Variants in MARCHF10 observed in about 807,000 individuals in gnomAD.
MARCHF10 encodes probable E3 ubiquitin-protein ligase MARCHF10.
Under a neutral mutation model 76.2 loss-of-function variants are expected in MARCHF10, and 64 were observed. The ratio of observed to expected loss-of-function variants is 0.84; its 90% CI spans 0.69 to 1.03. MARCHF10 has a LOEUF of 1.03. Among genes scored for constraint, MARCHF10 ranks in the 50% least tolerant of loss-of-function variants. MARCHF10 has a pLI of 0.00. For missense variants in MARCHF10, 875 were observed against 958.0 expected (o/e 0.91, Z 1.14); for synonymous variants, 340 against 357.5 (o/e 0.95, Z 0.55).
chr17:62,787,538 T>C (rs920851609), intron 3 of MARCHF10, among the ~76,000 whole-genome samples: 3 of 152,168 alleles, frequency 2.0e-5, no homozygotes, highest in Non-Finnish European at 2.9e-5. Context: ...GCTTGTGGTA[T>C]TGAGCTCTTA....
chr17:62,709,033 T>A (rs1304466969), intron 9 of MARCHF10, among the ~76,000 whole-genome samples: 1 of 152,208 alleles, frequency 6.6e-6, no homozygotes, highest in Non-Finnish European at 1.5e-5. Context: ...TTTATAAATA[T>A]GTGTCTCCTC....
chr17:62,784,603 A>G (rs2092715876), intron 3 of MARCHF10, among the ~76,000 whole-genome samples: 1 of 152,228 alleles, frequency 6.6e-6, no homozygotes, highest in Admixed American at 6.5e-5. Context: ...TGCAGATGAC[A>G]TGATTGTATA....
intron 3 of MARCHF10, among the ~76,000 whole-genome samples, chr17:62,786,703 T>C (rs1380172186): frequency 2.0e-5 from 3 of 152,226 alleles, no homozygotes; most frequent in East Asian, 3.8e-4. Context: ...ATGCATAATT[T>C]GTATAGCAGG....
chr17:62,726,619 G>A (rs1485499281), intron 6 of MARCHF10, among the ~76,000 whole-genome samples: 1 of 152,090 alleles, frequency 6.6e-6, no homozygotes, highest in East Asian at 1.9e-4. Flanking sequence ...AAAAGTGGTA[G>A]AAGATTATTT....
intron 3 of MARCHF10, among the ~76,000 whole-genome samples, chr17:62,775,553 A>G (rs2092538131): frequency 6.6e-6 from 1 of 151,958 alleles, no homozygotes; most frequent in Non-Finnish European, 1.5e-5. Flanking sequence ...GGTACCCAAC[A>G]CGGTGTCTTG....
At chr17:62,776,289 A>C (rs1434644392) in intron 3 of MARCHF10, among the ~76,000 whole-genome samples, 1 of 152,226 alleles carries the variant, frequency 6.6e-6, no homozygotes, top group African/African-American at 2.4e-5. Context: ...TTTGGGTCAG[A>C]GGTCACCAAT....
Position 62,737,324 on chromosome 17 carries a change from C to A in MARCHF10, c.544G>T (p.Val182Phe). Reference sequence around the variant, plus strand: ...TTACACATCAGGCCTTCTTGTTGAACTACTTGATCTGCATTGAGAAAAGAC... The same window carrying A: ...TTACACATCAGGCCTTCTTGTTGAAATACTTGATCTGCATTGAGAAAAGAC... Reference protein sequence around the residue: ...VPVPRGADQVVQQEGLMCNTK... With the variant: ...VPVPRGADQVFQQEGLMCNTK... The change falls in exon 6 of 11, where the codon GTT (valine) becomes TTT (phenylalanine). Residue 182 changes from valine to phenylalanine, a missense_variant. By Grantham distance (50) the Val-to-Phe change is conservative. Transcript: ENST00000311269. 1 of 1,607,938 alleles carries A rather than the reference C, an allele frequency of 6.2e-7. No individual in the cohort carries two copies. Among genetic ancestry groups the A allele is most frequent in the South Asian group, 1.1e-5 (1 of 89,376 alleles).
rs528751752 is a variant in MARCHF10, at chr17:62,797,341, A to G, written c.90+4305T>C. Among the ~76,000 whole-genome samples the G allele has an allele frequency of 6.0e-3, 915 of 152,180 alleles. 5 individuals carry two copies. Among genetic ancestry groups the G allele is most frequent in the Middle Eastern group, 0.014 (4 of 294 alleles). On this transcript the variant is annotated intron_variant, in intron 2 of 10. Transcript: ENST00000311269. Reference sequence around the variant, plus strand: ...TGCCTCAGCCTCCTGAGTAGCTGGGATTACAGGTGCCTGACACCACGCCCA... The same window carrying G: ...TGCCTCAGCCTCCTGAGTAGCTGGGGTTACAGGTGCCTGACACCACGCCCA...
chr17:62,720,860 ATT>A (rs56688878), intron 8 of MARCHF10, among the ~76,000 whole-genome samples: 154 of 88,024 alleles, frequency 1.7e-3, no homozygotes, highest in African/African-American at 4.4e-3. Context: ...GTAAGTTGTG[ATT>A]TTTTTTTTTT....
At chr17:62,701,791 G>A (rs1244605702) in intron 10 of MARCHF10, 33 bp from the exon 11 acceptor site, 3 of 1,613,466 alleles carry the variant, frequency 1.9e-6, no homozygotes, top group Non-Finnish European at 2.5e-6. Context: ...AGGCTGGAGG[G>A]CCGCAGCAGA....
At chr17:62,717,335 TGGGATGATAATGC>T (rs1252757692) in intron 8 of MARCHF10, among the ~76,000 whole-genome samples, 1 of 152,258 alleles carries the variant, frequency 6.6e-6, no homozygotes, top group African/African-American at 2.4e-5. Flanking sequence ...AGCTGTCACC[TGGGATGATAATGC>T]GGGCATTTCC....
intron 3 of MARCHF10, among the ~76,000 whole-genome samples, chr17:62,776,954 C>CT (rs2148044425): frequency 6.6e-6 from 1 of 152,306 alleles, no homozygotes; most frequent in African/African-American, 2.4e-5. Context: ...CTGGTCACCA[C>CT]TTGTTCCGGG....
At chr17:62,743,080 A>G (rs1438510868) in intron 5 of MARCHF10, among the ~76,000 whole-genome samples, 5 of 152,174 alleles carry the variant, frequency 3.3e-5, no homozygotes, top group African/African-American at 9.7e-5. Context: ...TAACAATGCA[A>G]TGAGGTAGAT....
Position 62,740,789 on chromosome 17 carries a change from G to T in MARCHF10, c.536-3457C>A, listed in dbSNP as rs1457180186. On this transcript the variant is annotated intron_variant, in intron 5 of 10. Coordinates refer to ENST00000311269, the MANE Select transcript of MARCHF10 (RefSeq NM_152598.4). ...CTACAGGTGCATGCCACCACACCTG[G>T]CTCATTTTAAAATTTTTTTCTAGAG... Among the ~76,000 whole-genome samples, 3 of 151,928 alleles carry T rather than the reference G, an allele frequency of 2.0e-5. No individual in the cohort carries two copies. In the East Asian group the frequency reaches 5.8e-4, roughly 29 times the overall value.
In MARCHF10 at chr17:62,756,661, T is replaced by C. The variant is rs1424294520; in HGVS notation, c.382+3174A>G. Among the ~76,000 whole-genome samples the C allele has an allele frequency of 2.6e-5, 4 of 152,186 alleles. 1 individual carries two copies. The highest frequency in any genetic ancestry group is 4.4e-5 in the Non-Finnish European group (3 of 68,038). On this transcript the variant is annotated intron_variant, in intron 4 of 10. Transcript: ENST00000311269. ...TCCTAAAGGCTGGATGTATGTTTTA[T>C]CATTGAGTTCTCACAGCAATCCCAG...
At chr17:62,789,093 A>AAAAG (rs2092799222) in intron 2 of MARCHF10, among the ~76,000 whole-genome samples, 3 of 151,446 alleles carry the variant, frequency 2.0e-5, no homozygotes, top group Admixed American at 6.6e-5. Context: ...AAAAAAAAAA[A>AAAAG]ACGCAGGTCA....
chr17:62,792,651 A>ACAC (rs1447601978), intron 2 of MARCHF10, among the ~76,000 whole-genome samples: 86 of 127,864 alleles, frequency 6.7e-4, no homozygotes, highest in African/African-American at 2.6e-3. Flanking sequence ...ACCATCACCA[A>ACAC]CACAACCATC....
chr17:62,756,287 A>C (rs146068668), intron 4 of MARCHF10, among the ~76,000 whole-genome samples: 1 of 152,170 alleles, frequency 6.6e-6, no homozygotes, highest in East Asian at 1.9e-4. Flanking sequence ...AAAACAAAAC[A>C]AGTAAAAAAT....
intron 8 of MARCHF10, among the ~76,000 whole-genome samples, chr17:62,715,457 A>G (rs1180954911): frequency 6.6e-6 from 1 of 152,202 alleles, no homozygotes; most frequent in Admixed American, 6.5e-5. Flanking sequence ...CACCTCATCC[A>G]TTTTGGAGGC....
Sources: gnomAD v4.1 joint callset for allele counts (sites outside exome capture counted in the v4.1 genomes callset) on GRCh38, gnomAD v4.1.1 for gene constraint, MANE v1.5 for transcripts, NCBI Gene and HGNC (gene_info 2026-07-23, HGNC 2026-07-21) for gene names.